DR1: variants seen among roughly 807,000 people sequenced by gnomAD.
DR1 encodes protein Dr1.
Under a neutral mutation model 19.9 loss-of-function variants are expected in DR1, and 7 were observed. That is an observed-to-expected ratio of 0.35 (90% CI 0.20 to 0.66). The LOEUF is 0.66. DR1 is among the 30% of genes least tolerant of loss of function. The probability of loss-of-function intolerance (pLI) is 0.66; values close to 1 mark genes in which losing one functional copy is unlikely to be tolerated. For missense variants in DR1, 98 were observed against 203.7 expected, an observed-to-expected ratio of 0.48 and a Z score of 3.16; for synonymous variants, 76 against 72.5, an observed-to-expected ratio of 1.05 and a Z score of -0.24.
At chr1:93,360,092 G>T (rs1667034613) in intron 2 of DR1, among the ~76,000 whole-genome samples, 1 of 152,084 alleles carries the variant, frequency 6.6e-6, no homozygotes, top group African/African-American at 2.4e-5. Context: ...TTGTATCAAA[G>T]TTGTAATATG....
chr1:93,356,519 A>G (rs1395345728), intron 2 of DR1, among the ~76,000 whole-genome samples: 1 of 152,216 alleles, frequency 6.6e-6, no homozygotes, highest in Non-Finnish European at 1.5e-5. Flanking sequence ...TAACTAGTAC[A>G]CAGCTTTGCA....
At chr1:93,349,060 G>A (rs1666887000) in intron 1 of DR1, among the ~76,000 whole-genome samples, 1 of 152,022 alleles carries the variant, frequency 6.6e-6, no homozygotes, top group African/African-American at 2.4e-5. Context: ...ATTTTAAAGT[G>A]ATATGATTCT....
rs1233539051 is a variant in DR1 at position 93,361,046 on chromosome 1, G to GGGC, written c.*409_*410insCGG. The GGGC allele has an allele frequency of 6.1e-6, 1 of 164,800 alleles. No individual in the cohort carries two copies. Among genetic ancestry groups the GGGC allele is most frequent in the South Asian group, 1.6e-4 (1 of 6,412 alleles). 10.2% of individuals were successfully genotyped at this position (164,800 alleles called of 1,614,324 possible). Reference sequence around the variant, plus strand: ...ACTTGTGAATTTTAAATTATTAAGGGGGGGGTGCTGTGTGAATCAGTAGAC... The same window carrying GGGC: ...ACTTGTGAATTTTAAATTATTAAGGGGGCGGGGGTGCTGTGTGAATCAGTAGAC... On this transcript the variant is annotated 3_prime_UTR_variant, in exon 3 of 3. Coordinates refer to ENST00000370272, the MANE Select transcript of DR1 (RefSeq NM_001938.3).
chr1:93,368,713 A>G lies in DR1; in HGVS notation c.*8074A>G, dbSNP rs1667199162. 1 of 152,216 alleles carries G rather than the reference A, an allele frequency of 6.6e-6. No individual in the cohort carries two copies. Among genetic ancestry groups the G allele is most frequent in the Non-Finnish European group, 1.5e-5 (1 of 68,044 alleles). 9.4% of individuals were successfully genotyped at this position (152,216 alleles called of 1,614,324 possible). A position where few individuals can be genotyped will look rare whatever the true frequency, so the allele number is the denominator to read the frequency against. On this transcript the variant is annotated 3_prime_UTR_variant, in exon 3 of 3. Transcript: ENST00000370272. Reference sequence around the variant, plus strand: ...GAAGAACAATGGTATTTATTTCCAAAACACTTATTTGGTATATTACATAGG... The same window carrying G: ...GAAGAACAATGGTATTTATTTCCAAGACACTTATTTGGTATATTACATAGG...
At chr1:93,348,567 AT>A (rs1666881118) in intron 1 of DR1, among the ~76,000 whole-genome samples, 1 of 152,008 alleles carries the variant, frequency 6.6e-6, no homozygotes, top group South Asian at 2.1e-4. Context: ...TAGATTTCTG[AT>A]TGACATGATG....
chr1:93,357,418 A>G (rs1007393389), intron 2 of DR1, among the ~76,000 whole-genome samples: 1 of 152,124 alleles, frequency 6.6e-6, no homozygotes, highest in African/African-American at 2.4e-5. Context: ...AGGCAGGACA[A>G]TCCCTTGAGG....
chr1:93,369,146 G>C lies in DR1; in HGVS notation c.*8507G>C, dbSNP rs1467679581. The C allele has an allele frequency of 6.6e-6, 1 of 152,092 alleles. No homozygotes were observed. Among genetic ancestry groups the C allele is most frequent in the Non-Finnish European group, 1.5e-5 (1 of 68,000 alleles). The allele number at this position is 152,092 out of a possible 1,614,324, so 9.4% of individuals were successfully genotyped here. On this transcript the variant is annotated 3_prime_UTR_variant, in exon 3 of 3. Transcript: ENST00000370272. ...CCCTGGCGGATACCAAGGGATGACT[G>C]TAATATAATAACATCTAACAAGTGA...
At position 93,346,389 on chromosome 1, in the gene DR1, C is replaced by A; in HGVS notation, c.-257C>A. ...CAAATTTCCGGACCACCGCGCTTTC[C>A]CCTCCTCAGCCTGGGCTGTGCTCTC... is the stretch of plus-strand genomic sequence containing the variant. On this transcript the variant is annotated 5_prime_UTR_variant, in exon 1 of 3. Coordinates refer to ENST00000370272, the MANE Select transcript of DR1 (RefSeq NM_001938.3). 2.0e-6 allele frequency: 1 copy of A among 492,972 alleles called. No homozygotes were observed. Among genetic ancestry groups the A allele is most frequent in the East Asian group, 3.7e-5 (1 of 27,250 alleles). The allele number at this position is 492,972 out of a possible 1,614,324, so 30.5% of individuals were successfully genotyped here.
rs1667169481 is a variant in DR1, at chr1:93,366,858, C to T, written c.*6219C>T. The T allele has an allele frequency of 6.6e-6, 1 of 152,010 alleles. No individual in the cohort carries two copies. The highest frequency in any genetic ancestry group is 1.5e-5 in the Non-Finnish European group (1 of 68,008). The allele number at this position is 152,010 out of a possible 1,614,324, so 9.4% of individuals were successfully genotyped here. On this transcript the variant is annotated 3_prime_UTR_variant, in exon 3 of 3. Coordinates refer to ENST00000370272, the MANE Select transcript of DR1 (RefSeq NM_001938.3). ...TCTACAGAAAAATTCAAAAATTAGC[C>T]AGAGGTGGTGGCTTGCACCTGTAGT...
rs1667082531 is a variant in DR1, at chr1:93,363,547, C to G, written c.*2908C>G. 6.6e-6 allele frequency: 1 copy of G among 152,190 alleles called. No homozygotes were observed. Among genetic ancestry groups the G allele is most frequent in the Non-Finnish European group, 1.5e-5 (1 of 68,034 alleles). The allele number at this position is 152,190 out of a possible 1,614,324, so 9.4% of individuals were successfully genotyped here. A position where few individuals can be genotyped will look rare whatever the true frequency, so the allele number is the denominator to read the frequency against. ...GCCTGTATTTATGGGCTTGTGACCC[C>G]TTCCTCTCTATGATCAAAGCTTGCT... On this transcript the variant is annotated 3_prime_UTR_variant, in exon 3 of 3. Transcript: ENST00000370272.
intron 2 of DR1, among the ~76,000 whole-genome samples, chr1:93,354,493 T>C (rs1259914473): frequency 6.6e-6 from 1 of 152,104 alleles, no homozygotes; most frequent in African/African-American, 2.4e-5. Context: ...CATTTTAATC[T>C]TAAAAAATAT....
intron 2 of DR1, among the ~76,000 whole-genome samples, chr1:93,357,592 A>G (rs1472989672): frequency 2.0e-5 from 3 of 152,158 alleles, no homozygotes; most frequent in Non-Finnish European, 4.4e-5. Context: ...TTATTCCTCA[A>G]ATTTAACTTC....
rs995598061 is a variant in DR1, at chr1:93,363,567, C to T, written c.*2928C>T. ...GACCCCTTCCTCTCTATGATCAAAG[C>T]TTGCTTTTGTCATTATATCATCTTC... On this transcript the variant is annotated 3_prime_UTR_variant, in exon 3 of 3. Transcript: ENST00000370272. 6.6e-6 allele frequency: 1 copy of T among 152,224 alleles called. No individual in the cohort carries two copies. The highest frequency in any genetic ancestry group is 1.5e-5 in the Non-Finnish European group (1 of 68,036). The allele number at this position is 152,224 out of a possible 1,614,324, so 9.4% of individuals were successfully genotyped here. A position where few individuals can be genotyped will look rare whatever the true frequency, so the allele number is the denominator to read the frequency against.
rs1667041868 is a variant in DR1, at chr1:93,360,757, T to G, written c.*118T>G. 4 of 1,088,588 alleles carry G rather than the reference T, an allele frequency of 3.7e-6. No homozygotes were observed. Among genetic ancestry groups the G allele is most frequent in the Non-Finnish European group, 5.2e-6 (4 of 770,624 alleles). The allele number at this position is 1,088,588 out of a possible 1,614,324, so 67.4% of individuals were successfully genotyped here. A position where few individuals can be genotyped will look rare whatever the true frequency, so the allele number is the denominator to read the frequency against. ...ATCTTGGTGGACTTGTCATTGGTAT[T>G]CTAGGGATGTCTGCTATTAAGTTTC... is the stretch of plus-strand genomic sequence containing the variant. On this transcript the variant is annotated 3_prime_UTR_variant, in exon 3 of 3. Coordinates refer to ENST00000370272, the MANE Select transcript of DR1 (RefSeq NM_001938.3).
At chr1:93,349,609 TC>T (rs1384119755) in intron 1 of DR1, among the ~76,000 whole-genome samples, 1 of 152,120 alleles carries the variant, frequency 6.6e-6, no homozygotes, top group African/African-American at 2.4e-5. Flanking sequence ...ATGAAATATC[TC>T]CCCTCACATT....
At chr1:93,358,663 C>T (rs1047723512) in intron 2 of DR1, among the ~76,000 whole-genome samples, 27 of 152,154 alleles carry the variant, frequency 1.8e-4, no homozygotes, top group African/African-American at 6.0e-4. Context: ...TTTAAAAATT[C>T]CAGCATTTTC....
chr1:93,353,237 G>A (rs1384890604), intron 1 of DR1, among the ~76,000 whole-genome samples: 1 of 151,978 alleles, frequency 6.6e-6, no homozygotes, highest in Non-Finnish European at 1.5e-5. Flanking sequence ...AATACGAAAA[G>A]GGGAGAAACA....
At position 93,360,810 on chromosome 1, in the gene DR1, CTG is replaced by C. The variant is rs1421322095; in HGVS notation, c.*173_*174del. The C allele has an allele frequency of 7.3e-6, 5 of 688,630 alleles. No individual in the cohort carries two copies. The highest frequency in any genetic ancestry group is 3.4e-5 in the East Asian group (1 of 29,494). The allele number at this position is 688,630 out of a possible 1,614,324, so 42.7% of individuals were successfully genotyped here. On this transcript the variant is annotated 3_prime_UTR_variant, in exon 3 of 3. Transcript: ENST00000370272. ...CTATTGTGTGCTATACATGTAAAAA[CTG>C]TCTCTTTGAACTATTGAAAATTTAA...
chr1:93,364,573 C>G lies in DR1; in HGVS notation c.*3934C>G, dbSNP rs1362791915. Reference sequence around the variant, plus strand: ...TTTTTGTTGCTGTTTTCTTTTTTGCCTCTGTCCCCAACAATTTGACCACAA... The same window carrying G: ...TTTTTGTTGCTGTTTTCTTTTTTGCGTCTGTCCCCAACAATTTGACCACAA... On this transcript the variant is annotated 3_prime_UTR_variant, in exon 3 of 3. Transcript: ENST00000370272. The G allele has an allele frequency of 6.6e-6, 1 of 151,930 alleles. No individual in the cohort carries two copies. The highest frequency in any genetic ancestry group is 1.5e-5 in the Non-Finnish European group (1 of 68,020). 9.4% of individuals were successfully genotyped at this position (151,930 alleles called of 1,614,324 possible). A position where few individuals can be genotyped will look rare whatever the true frequency, so the allele number is the denominator to read the frequency against.
Sources: allele counts gnomAD v4.1 joint callset (sites outside exome capture counted in the v4.1 genomes callset), GRCh38; gene constraint gnomAD v4.1.1; transcripts MANE v1.5; gene names NCBI Gene and HGNC (gene_info 2026-07-23, HGNC 2026-07-21).